PCDH9: variants seen among roughly 807,000 people sequenced by gnomAD.
PCDH9 encodes protocadherin-9.
In PCDH9, 24 loss-of-function variants were observed where a neutral mutation model predicts 70.6. The ratio of observed to expected loss-of-function variants is 0.34; its 90% CI spans 0.25 to 0.48. PCDH9 has a LOEUF of 0.48. Ranked by LOEUF, PCDH9 falls within the 20% of genes least tolerant of loss-of-function variation. PCDH9 has a pLI of 0.99. For missense variants in PCDH9, 1,281 were observed against 1,503.6 expected (o/e 0.85, Z 2.45); for synonymous variants, 562 against 558.5 (o/e 1.01, Z -0.09).
chr13:66,886,547 A>G (rs1385946113), intron 3 of PCDH9, among the ~76,000 whole-genome samples: 1 of 152,142 alleles, frequency 6.6e-6, no homozygotes, highest in Admixed American at 6.5e-5. Flanking sequence ...TTCTCTGTTC[A>G]AACTGGGCAT....
intron 2 of PCDH9, among the ~76,000 whole-genome samples, chr13:66,969,157 C>T (rs1011908197): frequency 8.6e-5 from 13 of 151,982 alleles, no homozygotes. Context: ...TCGGTACTCT[C>T]GCTACTGTGA....
At chr13:67,076,368 T>C (rs2085877566) in intron 2 of PCDH9, among the ~76,000 whole-genome samples, 2 of 152,154 alleles carry the variant, frequency 1.3e-5, no homozygotes, top group South Asian at 4.1e-4. Context: ...TGAATAACTA[T>C]AAACATGCGT....
chr13:66,379,433 T>A (rs1277347631), intron 4 of PCDH9, among the ~76,000 whole-genome samples: 1 of 152,214 alleles, frequency 6.6e-6, no homozygotes, highest in African/African-American at 2.4e-5. Flanking sequence ...TAGTGTCACG[T>A]CACTCATTAC....
intron 3 of PCDH9, among the ~76,000 whole-genome samples, chr13:66,640,490 G>C (rs2077694304): frequency 1.3e-5 from 2 of 151,602 alleles, no homozygotes; most frequent in Admixed American, 1.3e-4. Flanking sequence ...ACTATGGCCA[G>C]ACTGGTAAAA....
chr13:66,342,124 G>A (rs188247468), intron 4 of PCDH9, among the ~76,000 whole-genome samples: 20 of 152,194 alleles, frequency 1.3e-4, no homozygotes, highest in Admixed American at 3.3e-4. Context: ...TATCTCTTAC[G>A]TCACTGGAAT....
chr13:66,413,693 T>TA (rs1198090334), intron 4 of PCDH9, among the ~76,000 whole-genome samples: 3 of 151,512 alleles, frequency 2.0e-5, no homozygotes, highest in African/African-American at 7.3e-5. Flanking sequence ...CTTAAAAAAA[T>TA]AAATAAAATA....
At chr13:66,983,288 T>TA (rs1334012385) in intron 2 of PCDH9, among the ~76,000 whole-genome samples, 1 of 151,922 alleles carries the variant, frequency 6.6e-6, no homozygotes, top group African/African-American at 2.4e-5. Context: ...ATTTGGCACA[T>TA]AAAAAAATTT....
At chr13:67,046,251 C>G (rs955016527) in intron 2 of PCDH9, among the ~76,000 whole-genome samples, 1 of 152,154 alleles carries the variant, frequency 6.6e-6, no homozygotes. Context: ...CTAGCATGGG[C>G]TGCTAATGGA....
At chr13:67,082,190 A>G (rs139890471) in intron 2 of PCDH9, among the ~76,000 whole-genome samples, 2 of 152,322 alleles carry the variant, frequency 1.3e-5, no homozygotes, top group African/African-American at 4.8e-5. Context: ...GTAAATGTCT[A>G]CGGTTTAGTC....
chr13:66,583,604 A>T (rs1173690746), intron 4 of PCDH9, among the ~76,000 whole-genome samples: 1 of 149,676 alleles, frequency 6.7e-6, no homozygotes, highest in Non-Finnish European at 1.5e-5. Flanking sequence ...ACAGAGTGAG[A>T]CTCCCTCTCA....
intron 3 of PCDH9, among the ~76,000 whole-genome samples, chr13:66,805,676 G>T (rs2080398146): frequency 1.3e-5 from 2 of 152,110 alleles, no homozygotes; most frequent in African/African-American, 4.8e-5. Context: ...GAAAAAAATA[G>T]AATTGTTGAT....
chr13:66,658,176 G>A (rs1388893309), intron 3 of PCDH9, among the ~76,000 whole-genome samples: 3 of 152,064 alleles, frequency 2.0e-5, no homozygotes, highest in Non-Finnish European at 4.4e-5. Context: ...GTAAAACCTT[G>A]CTTTTGTTAG....
At chr13:67,142,582 A>C (rs1278556673) in intron 2 of PCDH9, among the ~76,000 whole-genome samples, 1 of 152,232 alleles carries the variant, frequency 6.6e-6, no homozygotes, top group Admixed American at 6.5e-5. Flanking sequence ...GAATGAGCAA[A>C]GACAACCTTT....
intron 3 of PCDH9, among the ~76,000 whole-genome samples, chr13:66,734,179 T>C (rs2079113286): frequency 6.6e-6 from 1 of 152,154 alleles, no homozygotes; most frequent in South Asian, 2.1e-4. Flanking sequence ...ATGTGGGCAT[T>C]TAATCAATTA....
At chr13:67,174,026 GTATTATTTT>G (rs1370354805) in intron 2 of PCDH9, among the ~76,000 whole-genome samples, 15 of 152,094 alleles carry the variant, frequency 9.9e-5, no homozygotes, top group Admixed American at 9.2e-4. Context: ...TCTATTCATA[GTATTATTTT>G]ATTTTCTAGA....
At chr13:66,871,077 T>C (rs1594182638) in intron 3 of PCDH9, among the ~76,000 whole-genome samples, 1 of 152,188 alleles carries the variant, frequency 6.6e-6, no homozygotes, top group East Asian at 1.9e-4. Context: ...GATGAGTTCA[T>C]GTCCTTTGTA....
intron 2 of PCDH9, among the ~76,000 whole-genome samples, chr13:66,941,369 A>T (rs2083003851): frequency 6.6e-6 from 1 of 151,888 alleles, no homozygotes; most frequent in Non-Finnish European, 1.5e-5. Context: ...GCAAATAGAT[A>T]ACAAACAGCA....
chr13:66,431,967 C>T (rs949045825), intron 4 of PCDH9, among the ~76,000 whole-genome samples: 1 of 151,918 alleles, frequency 6.6e-6, no homozygotes, highest in African/African-American at 2.4e-5. Context: ...CAACAGTATT[C>T]AATTTAGTAT....
At chr13:66,940,048 G>C (rs1391583933) in intron 2 of PCDH9, among the ~76,000 whole-genome samples, 1 of 152,088 alleles carries the variant, frequency 6.6e-6, no homozygotes, top group African/African-American at 2.4e-5. Context: ...TTGGATCTAG[G>C]TGGAGAATAA....
Sources: allele counts gnomAD v4.1 joint callset (sites outside exome capture counted in the v4.1 genomes callset), GRCh38; gene constraint gnomAD v4.1.1; transcripts MANE v1.5; gene names NCBI Gene and HGNC (gene_info 2026-07-23, HGNC 2026-07-21).